The following GALNTL6 variants were observed in gnomAD, a reference collection of about 807,000 sequenced individuals.
GALNTL6 encodes the protein polypeptide N-acetylgalactosaminyltransferase like 6.
Under a neutral mutation model 73.7 loss-of-function variants are expected in GALNTL6, and 46 were observed. The ratio of observed to expected loss-of-function variants is 0.62; its 90% CI spans 0.49 to 0.80. The LOEUF (loss-of-function observed/expected upper bound fraction) is 0.80. Among genes scored for constraint, GALNTL6 ranks in the 30% least tolerant of loss-of-function variants. GALNTL6 has a pLI of 0.00. For missense variants in GALNTL6, 604 were observed against 755.0 expected, an observed-to-expected ratio of 0.80 and a Z score of 2.34; for synonymous variants, 259 against 263.7, an observed-to-expected ratio of 0.98 and a Z score of 0.17.
chr4:172,413,345 A>G (rs887864733), intron 5 of GALNTL6, among the ~76,000 whole-genome samples: 1 of 152,178 alleles, frequency 6.6e-6, no homozygotes, highest in Non-Finnish European at 1.5e-5. Flanking sequence ...TTGCATTTAC[A>G]CTCTGGCAAC....
intron 2 of GALNTL6, among the ~76,000 whole-genome samples, chr4:171,987,288 G>A (rs568216225): frequency 6.6e-6 from 1 of 152,284 alleles, no homozygotes; most frequent in East Asian, 1.9e-4. Context: ...GACCGTAAGG[G>A]ATATAAAGGT....
intron 5 of GALNTL6, among the ~76,000 whole-genome samples, chr4:172,382,948 G>A (rs866750139): frequency 2.0e-5 from 3 of 151,942 alleles, no homozygotes; most frequent in Non-Finnish European, 2.9e-5. Context: ...AAAATCAAAC[G>A]ATCATAAATG....
intron 4 of GALNTL6, 49 bp downstream of exon 4, chr4:172,311,801 T>G: frequency 1.5e-6 from 2 of 1,356,684 alleles, no homozygotes; most frequent in Non-Finnish European, 2.0e-6. Context: ...TGGTTTTTTT[T>G]GTCCTTTGAT....
intron 2 of GALNTL6, among the ~76,000 whole-genome samples, chr4:171,967,203 T>C (rs192002381): frequency 7.9e-5 from 12 of 152,352 alleles, no homozygotes; most frequent in Non-Finnish European, 1.8e-4. Context: ...ATAAAATAGC[T>C]GCTAGATTAT....
chr4:171,863,659 T>C (rs1336639488), intron 2 of GALNTL6, among the ~76,000 whole-genome samples: 1 of 152,130 alleles, frequency 6.6e-6, no homozygotes, highest in Non-Finnish European at 1.5e-5. Context: ...TGGATATTCA[T>C]CATTAGTCAA....
chr4:172,709,500 C>T (rs899663389), intron 5 of GALNTL6, among the ~76,000 whole-genome samples: 2 of 152,166 alleles, frequency 1.3e-5, no homozygotes, highest in Admixed American at 6.5e-5. Context: ...GGAGAAACAG[C>T]TGAGGCTGAG....
chr4:172,526,020 C>T (rs767449129), intron 5 of GALNTL6, among the ~76,000 whole-genome samples: 1 of 152,088 alleles, frequency 6.6e-6, no homozygotes, highest in Non-Finnish European at 1.5e-5. Context: ...CCCAGGATCT[C>T]TAGTGCAATG....
At chr4:172,396,136 T>C (rs1350055867) in intron 5 of GALNTL6, among the ~76,000 whole-genome samples, 1 of 152,070 alleles carries the variant, frequency 6.6e-6, no homozygotes, top group Non-Finnish European at 1.5e-5. Context: ...TGTACATTTT[T>C]CCTTATAATA....
intron 2 of GALNTL6, among the ~76,000 whole-genome samples, chr4:172,096,457 C>A (rs1579134421): frequency 6.6e-6 from 1 of 151,516 alleles, no homozygotes; most frequent in African/African-American, 2.4e-5. Context: ...TTTAGGATTC[C>A]CTCAGAATAT....
intron 3 of GALNTL6, among the ~76,000 whole-genome samples, chr4:172,282,297 C>T (rs1276821527): frequency 3.9e-5 from 6 of 152,156 alleles, no homozygotes; most frequent in Non-Finnish European, 8.8e-5. Context: ...CATCAGCCAT[C>T]AGGGCAAAGC....
At chr4:172,976,462 C>T (rs867632779) in intron 10 of GALNTL6, among the ~76,000 whole-genome samples, 18 of 152,284 alleles carry the variant, frequency 1.2e-4, no homozygotes, top group Middle Eastern at 3.4e-3. Flanking sequence ...CAGGGGTACT[C>T]AGCTGCATGC....
chr4:172,789,311 T>C (rs2110923535), intron 5 of GALNTL6, among the ~76,000 whole-genome samples: 1 of 152,344 alleles, frequency 6.6e-6, no homozygotes, highest in Admixed American at 6.5e-5. Context: ...TGGTTTGTTA[T>C]AAAGCAAGCT....
At chr4:172,235,301 G>A (rs964481405) in intron 3 of GALNTL6, among the ~76,000 whole-genome samples, 2 of 151,450 alleles carry the variant, frequency 1.3e-5, no homozygotes, top group Admixed American at 1.3e-4. Context: ...TTCACCTGCC[G>A]GGTTCAGGCG....
intron 2 of GALNTL6, among the ~76,000 whole-genome samples, chr4:172,015,392 G>T (rs543247349): frequency 6.6e-6 from 1 of 151,860 alleles, no homozygotes. Flanking sequence ...TTCCATTTAT[G>T]TGTAATATCT....
chr4:172,013,731 T>A (rs936485249), intron 2 of GALNTL6, among the ~76,000 whole-genome samples: 8 of 152,072 alleles, frequency 5.3e-5, no homozygotes, highest in African/African-American at 1.9e-4. Flanking sequence ...GTTTTAGTTA[T>A]TTATAAATGT....
intron 7 of GALNTL6, among the ~76,000 whole-genome samples, chr4:172,840,309 C>A (rs1389026574): frequency 6.6e-6 from 1 of 152,194 alleles, no homozygotes; most frequent in African/African-American, 2.4e-5. Context: ...AATTTAAATT[C>A]TATTTCAAAA....
intron 2 of GALNTL6, among the ~76,000 whole-genome samples, chr4:171,823,228 A>G (rs1734731170): frequency 6.6e-6 from 1 of 152,114 alleles, no homozygotes; most frequent in African/African-American, 2.4e-5. Flanking sequence ...AATATCTTAT[A>G]TTTTTAAGAC....
chr4:172,360,475 TAA>T (rs5864132), intron 5 of GALNTL6, among the ~76,000 whole-genome samples: 31,944 of 152,028 alleles, frequency 0.21, 3,656 homozygotes, highest in East Asian at 0.36. Context: ...TAAAAAATGT[TAA>T]AAGAGATGCT....
At chr4:172,531,446 T>C (rs1223492841) in intron 5 of GALNTL6, among the ~76,000 whole-genome samples, 1 of 152,202 alleles carries the variant, frequency 6.6e-6, no homozygotes, top group Non-Finnish European at 1.5e-5. Flanking sequence ...TACTTCTTGT[T>C]CAAACAGCTG....
Sources: gnomAD v4.1 joint callset for allele counts (sites outside exome capture counted in the v4.1 genomes callset) on GRCh38, gnomAD v4.1.1 for gene constraint, MANE v1.5 for transcripts, NCBI Gene and HGNC (gene_info 2026-07-23, HGNC 2026-07-21) for gene names.